Variants in NUFIP1 observed in about 807,000 individuals in gnomAD.
NUFIP1 encodes FMR1-interacting protein NUFIP1.
A neutral mutation model predicts 56.2 loss-of-function variants in NUFIP1; 38 were observed. That is an observed-to-expected ratio of 0.68 (90% confidence interval 0.52 to 0.89). The LOEUF (loss-of-function observed/expected upper bound fraction) is 0.89, where lower values mean the gene tolerates loss of function less well. NUFIP1 is among the 40% of genes least tolerant of loss of function. NUFIP1 has a pLI of 0.00. For missense variants in NUFIP1, 567 were observed against 605.8 expected (o/e 0.94, Z 0.67); for synonymous variants, 215 against 212.4 (o/e 1.01, Z -0.10).
At chr13:44,984,868 C>G (rs186437916) in intron 1 of NUFIP1, among the ~76,000 whole-genome samples, 2 of 152,056 alleles carry the variant, frequency 1.3e-5, no homozygotes, top group South Asian at 2.1e-4. Flanking sequence ...GTTCCCCCCA[C>G]CCCACAACAG....
At chr13:44,965,562 C>T (rs1013426472) in intron 6 of NUFIP1, among the ~76,000 whole-genome samples, 4 of 152,158 alleles carry the variant, frequency 2.6e-5, no homozygotes, top group African/African-American at 4.8e-5. Flanking sequence ...GGCGTGGTGG[C>T]GCACGCCTGT....
intron 5 of NUFIP1, among the ~76,000 whole-genome samples, chr13:44,969,129 T>C (rs1034032502): frequency 3.3e-5 from 5 of 152,190 alleles, no homozygotes; most frequent in African/African-American, 1.2e-4. Context: ...AGATTTTATT[T>C]TTCTTGGTGC....
At chr13:44,984,632 ACT>A (rs1431848577) in intron 1 of NUFIP1, among the ~76,000 whole-genome samples, 8 of 151,966 alleles carry the variant, frequency 5.3e-5, no homozygotes, top group Non-Finnish European at 8.8e-5. Context: ...ACAGCAAGAG[ACT>A]CTATTTAAAA....
At chr13:44,944,214 A>G (rs775647859) in intron 8 of NUFIP1, among the ~76,000 whole-genome samples, 3 of 152,188 alleles carry the variant, frequency 2.0e-5, no homozygotes, top group African/African-American at 4.8e-5. Flanking sequence ...TGCATACTAT[A>G]AACTGCAGAC....
intron 5 of NUFIP1, among the ~76,000 whole-genome samples, chr13:44,966,932 C>T (rs552595500): frequency 1.3e-5 from 2 of 151,072 alleles, no homozygotes; most frequent in East Asian, 2.0e-4. Context: ...GAGATCGTGC[C>T]GCTGCACTCC....
chr13:44,949,898 C>T, intron 7 of NUFIP1, 60 bp from the exon 8 acceptor site: 1 of 1,006,414 alleles, frequency 9.9e-7, no homozygotes, highest in South Asian at 1.3e-5. Context: ...TGTCCATCCC[C>T]CATTCCCTCA....
In NUFIP1 at chr13:44,957,918, A is replaced by C. The variant is rs1871297990; in HGVS notation, c.1021+1463T>G. Among the ~76,000 whole-genome samples the C allele has an allele frequency of 2.0e-5, 3 of 152,188 alleles. No homozygotes were observed. The South Asian group carries it at 6.2e-4, about 31-fold the overall frequency. ...GTGTTTTAAGTGTTTTAATGACATA[A>C]AAGCTTATATTTGAGTACAGATGGT... On this transcript the variant is annotated intron_variant, in intron 7 of 9. Transcript: ENST00000379161.
At chr13:44,954,332 A>G (rs1228199041) in intron 7 of NUFIP1, among the ~76,000 whole-genome samples, 2 of 152,104 alleles carry the variant, frequency 1.3e-5, no homozygotes, top group Non-Finnish European at 2.9e-5. Context: ...TACACACATC[A>G]TGTTCCCACC....
At chr13:44,959,230 C>T (rs1342077022) in intron 7 of NUFIP1, 151 bp downstream of exon 7, 6 of 698,706 alleles carry the variant, frequency 8.6e-6, no homozygotes, top group Non-Finnish European at 1.4e-5. Context: ...ACGTTTTAAA[C>T]AAGATGCTCC....
rs1297569329 is a variant in NUFIP1, at chr13:44,943,544, T to C, written c.1269A>G (p.Arg423=). ...RNFSEAKSEN[R]KKSFEKTNPK... Reference sequence around the variant, plus strand: ...GGTTTGTTTTTTCAAAGCTTTTCTTTCGGTTCTCACTCTTGGCTTCTGAAA... The same window carrying C: ...GGTTTGTTTTTTCAAAGCTTTTCTTCCGGTTCTCACTCTTGGCTTCTGAAA... Residue 423 remains arginine (R), a synonymous_variant, in exon 9 of 10, where the codon CGA becomes CGG. Coordinates refer to ENST00000379161, the MANE Select transcript of NUFIP1 (RefSeq NM_012345.3). 1 of 1,614,070 alleles carries C rather than the reference T, an allele frequency of 6.2e-7. No individual in the cohort carries two copies.
At chr13:44,982,402 T>C (rs766285066) in intron 1 of NUFIP1, among the ~76,000 whole-genome samples, 8 of 152,288 alleles carry the variant, frequency 5.3e-5, no homozygotes, top group Middle Eastern at 3.4e-3. Context: ...AGTGCAGAAA[T>C]GGACAACCTA....
rs941521975 is a variant in NUFIP1, at chr13:44,940,698, C to T, written c.*508G>A. The T allele has an allele frequency of 2.0e-5, 3 of 152,214 alleles. No individual in the cohort carries two copies. The highest frequency in any genetic ancestry group is 4.8e-5 in the African/African-American group (2 of 41,452). 9.4% of individuals were successfully genotyped at this position (152,214 alleles called of 1,614,324 possible). A position where few individuals can be genotyped will look rare whatever the true frequency, so the allele number is the denominator to read the frequency against. ...TGCTAGTAGGTGAATTTAAACATGT[C>T]TTAAATAAGGAATATTTACATTTCG... is the stretch of plus-strand genomic sequence containing the variant. On this transcript the variant is annotated 3_prime_UTR_variant, in exon 10 of 10. Coordinates refer to ENST00000379161, the MANE Select transcript of NUFIP1 (RefSeq NM_012345.3).
At chr13:44,950,512 A>T (rs1431858936) in intron 7 of NUFIP1, among the ~76,000 whole-genome samples, 1 of 152,048 alleles carries the variant, frequency 6.6e-6, no homozygotes, top group Non-Finnish European at 1.5e-5. Context: ...TGCCCAGCTA[A>T]TTTTTTGTAT....
chr13:44,959,635 A>C (rs1871356119), intron 6 of NUFIP1, 61 bp from the exon 7 acceptor site: 7 of 1,410,768 alleles, frequency 5.0e-6, no homozygotes, highest in Non-Finnish European at 5.8e-6. Flanking sequence ...GAAAATTTTG[A>C]AAAAGACTAC....
chr13:44,981,282 G>C (rs1408027854), intron 2 of NUFIP1, among the ~76,000 whole-genome samples: 1 of 151,668 alleles, frequency 6.6e-6, no homozygotes, highest in African/African-American at 2.4e-5. Flanking sequence ...TTGGAGATTT[G>C]TGACAATTTG....
At chr13:44,971,285 T>G (rs1322051754) in intron 5 of NUFIP1, among the ~76,000 whole-genome samples, 1 of 152,082 alleles carries the variant, frequency 6.6e-6, no homozygotes, top group Non-Finnish European at 1.5e-5. Flanking sequence ...CTCATTCTCT[T>G]TAAACACCTC....
rs181842341 is a variant in NUFIP1 at position 44,966,264 on chromosome 13, A to T, written c.735-328T>A. ...TGTACCCATAAATACTGTAAAAAAAATTTTTAAGTCTATTCAATTTATTCT... is the reference window on the plus strand; with the variant it reads ...TGTACCCATAAATACTGTAAAAAAATTTTTTAAGTCTATTCAATTTATTCT... On this transcript the variant is annotated intron_variant, in intron 5 of 9. Transcript: ENST00000379161. Among the ~76,000 whole-genome samples, 510 of 152,248 alleles carry T rather than the reference A, an allele frequency of 3.3e-3. 4 individuals carry two copies. The highest frequency in any genetic ancestry group is 0.022 in the Admixed American group (337 of 15,286).
At chr13:44,965,779 T>C (rs1871576567) in intron 6 of NUFIP1, 65 bp downstream of exon 6, 2 of 716,132 alleles carry the variant, frequency 2.8e-6, no homozygotes, top group East Asian at 6.1e-5. Flanking sequence ...CATAATTGAG[T>C]ACATAAGGGT....
At chr13:44,967,149 G>A (rs1871633572) in intron 5 of NUFIP1, among the ~76,000 whole-genome samples, 2 of 150,666 alleles carry the variant, frequency 1.3e-5, no homozygotes, top group South Asian at 4.1e-4. Context: ...AATCCATAAA[G>A]AAAAGAAATG....
Sources: allele counts gnomAD v4.1 joint callset (sites outside exome capture counted in the v4.1 genomes callset), GRCh38; gene constraint gnomAD v4.1.1; transcripts MANE v1.5; gene names NCBI Gene and HGNC (gene_info 2026-07-23, HGNC 2026-07-21).